Variants in PEAK1 observed in about 807,000 individuals in gnomAD.
The protein encoded by PEAK1 is inactive tyrosine-protein kinase PEAK1.
A neutral mutation model predicts 124.7 loss-of-function variants in PEAK1; 54 were observed. The ratio of observed to expected loss-of-function variants is 0.43; its 90% CI spans 0.35 to 0.54. The LOEUF (loss-of-function observed/expected upper bound fraction) is 0.54. Among genes scored for constraint, PEAK1 ranks in the 20% least tolerant of loss-of-function variants. The pLI is 0.01. For synonymous variants in PEAK1, 719 were observed against 760.0 expected (o/e 0.95, Z 0.89); for missense variants, 2,046 against 2,134.5 (o/e 0.96, Z 0.82).
intron 1 of PEAK1, among the ~76,000 whole-genome samples, chr15:77,396,000 AAC>A (rs2070853432): frequency 2.0e-5 from 3 of 152,216 alleles, no homozygotes; most frequent in African/African-American, 7.2e-5. Context: ...CAAAAATAAT[AAC>A]TATAACTTTT....
At chr15:77,187,920 C>T (rs866184644) in intron 6 of PEAK1, among the ~76,000 whole-genome samples, 3 of 152,144 alleles carry the variant, frequency 2.0e-5, no homozygotes, top group African/African-American at 4.8e-5. Context: ...ATGTGACAAC[C>T]ATACCCACGT....
At chr15:77,313,644 ATGTATGTATGTGTGTGTGTG>A (rs2064627847) in intron 2 of PEAK1, among the ~76,000 whole-genome samples, 1 of 75,404 alleles carries the variant, frequency 1.3e-5, no homozygotes, top group South Asian at 4.1e-4. Context: ...GTATGTATGT[ATGTATGTATGTGTGTGTGTG>A]TGTGTGTGTG....
chr15:77,269,514 T>C (rs1158451927), intron 5 of PEAK1, among the ~76,000 whole-genome samples: 1 of 152,136 alleles, frequency 6.6e-6, no homozygotes, highest in African/African-American at 2.4e-5. Flanking sequence ...TCCCAATTTA[T>C]AAAACAATTA....
At chr15:77,150,029 C>A (rs937735504) in intron 8 of PEAK1, among the ~76,000 whole-genome samples, 1 of 152,118 alleles carries the variant, frequency 6.6e-6, no homozygotes, top group Non-Finnish European at 1.5e-5. Context: ...GGATTACAGG[C>A]ATGAGCCACC....
rs185765137 is a variant in PEAK1, at chr15:77,219,985, G to C, written c.-115+32382C>G. 2.4e-4 allele frequency among the ~76,000 whole-genome samples: 37 copies of C among 152,122 alleles called. 1 individual carries two copies. Among genetic ancestry groups the C allele is most frequent in the Non-Finnish European group, 1.5e-5 (1 of 67,978 alleles). ...ATATGCAAATTTTTAAATACATATT[G>C]AGAAGCATGCAGACATCAACATTTC... On this transcript the variant is annotated intron_variant, in intron 6 of 9. Coordinates refer to ENST00000682557, the MANE Select transcript of PEAK1 (RefSeq NM_001385026.1).
intron 1 of PEAK1, chr15:77,403,561 T>C: frequency 5.1e-6 from 5 of 971,330 alleles, no homozygotes; most frequent in Middle Eastern, 1.1e-3. Flanking sequence ...GAAAGTTCTT[T>C]CACATATATT....
intron 2 of PEAK1, among the ~76,000 whole-genome samples, chr15:77,291,319 C>T (rs967567054): frequency 6.6e-6 from 1 of 152,130 alleles, no homozygotes; most frequent in Admixed American, 6.5e-5. Flanking sequence ...TTTGAGCTGT[C>T]ATATTCAAGC....
chr15:77,337,171 G>A, intron 2 of PEAK1: 4 of 984,922 alleles, frequency 4.1e-6, no homozygotes, highest in Non-Finnish European at 4.8e-6. Context: ...TGCCCATGAA[G>A]TTTGAGAAGC....
At chr15:77,420,494 GGAGTC>G (rs1444496100), upstream of PEAK1, 16 of 177,906 alleles carry the variant, frequency 9.0e-5, no homozygotes, top group African/African-American at 3.3e-4. Context: ...AAAGACCAGG[GGAGTC>G]TGGGCCCATT....
At chr15:77,316,564 T>C (rs1457406973) in intron 2 of PEAK1, among the ~76,000 whole-genome samples, 4 of 152,178 alleles carry the variant, frequency 2.6e-5, no homozygotes, top group Admixed American at 6.5e-5. Flanking sequence ...AAATGGTCAA[T>C]TGAGAAATTA....
intron 5 of PEAK1, among the ~76,000 whole-genome samples, chr15:77,282,544 C>G (rs559143397): frequency 9.9e-5 from 15 of 152,284 alleles, no homozygotes; most frequent in African/African-American, 3.6e-4. Context: ...GGGACACCAG[C>G]CTGGAAGCCT....
At chr15:77,186,823 G>A (rs1001173589) in intron 6 of PEAK1, among the ~76,000 whole-genome samples, 1 of 152,186 alleles carries the variant, frequency 6.6e-6, no homozygotes, top group East Asian at 1.9e-4. Flanking sequence ...CATAGAGGGG[G>A]AATCTGTACC....
Position 77,114,626 on chromosome 15 carries a change from C to T in PEAK1, c.4771G>A (p.Asp1591Asn). 5.0e-6 allele frequency: 8 copies of T among 1,613,972 alleles called. No individual in the cohort carries two copies. Among genetic ancestry groups the T allele is most frequent in the Non-Finnish European group, 6.8e-6 (8 of 1,179,992 alleles). Residue 1591 changes from aspartate to asparagine, a missense_variant, in exon 10 of 10, where the codon GAT (aspartate) becomes AAT (asparagine). Coordinates refer to ENST00000682557, the MANE Select transcript of PEAK1 (RefSeq NM_001385026.1). ...ATGAGGATGCCTGTCTGGAACTCAT[C>T]ACACTTTTTATACTGGGTAGCTGTT... ...IITATQYKKCDEFQTGILIYE... is the reference protein window; with the variant it reads ...IITATQYKKCNEFQTGILIYE...
At chr15:77,319,200 AG>A (rs2065052403) in intron 2 of PEAK1, among the ~76,000 whole-genome samples, 1 of 152,146 alleles carries the variant, frequency 6.6e-6, no homozygotes, top group Non-Finnish European at 1.5e-5. Flanking sequence ...GGTCTATAAC[AG>A]GTGAAATTCT....
At chr15:77,256,526 A>C (rs1596925176) in intron 5 of PEAK1, among the ~76,000 whole-genome samples, 1 of 152,136 alleles carries the variant, frequency 6.6e-6, no homozygotes, top group African/African-American at 2.4e-5. Context: ...CATAGGTCAA[A>C]TACAACCTGC....
intron 2 of PEAK1, among the ~76,000 whole-genome samples, chr15:77,313,342 C>T (rs1471773811): frequency 1.3e-5 from 2 of 152,060 alleles, no homozygotes; most frequent in African/African-American, 4.8e-5. Flanking sequence ...ATATAAATAA[C>T]TAAGTAAATA....
intron 2 of PEAK1, chr15:77,337,331 TG>T (rs1285796402): frequency 5.1e-6 from 5 of 972,944 alleles, no homozygotes; most frequent in Non-Finnish European, 6.1e-6. Flanking sequence ...TTCATTTATT[TG>T]AGAGGAGAAA....
intron 2 of PEAK1, among the ~76,000 whole-genome samples, chr15:77,363,221 C>T (rs1015348125): frequency 6.6e-6 from 1 of 152,104 alleles, no homozygotes; most frequent in Non-Finnish European, 1.5e-5. Flanking sequence ...GAGAAAACTG[C>T]CCTCCCCACA....
chr15:77,291,748 C>A (rs1489621924), intron 2 of PEAK1, among the ~76,000 whole-genome samples: 10 of 151,990 alleles, frequency 6.6e-5, no homozygotes, highest in Admixed American at 6.6e-5. Context: ...GAGGCCGAGG[C>A]AAGTGGACCA....
Sources: gnomAD v4.1 joint callset for allele counts (sites outside exome capture counted in the v4.1 genomes callset) on GRCh38, gnomAD v4.1.1 for gene constraint, MANE v1.5 for transcripts, NCBI Gene and HGNC (gene_info 2026-07-23, HGNC 2026-07-21) for gene names.